The following EXOC6B variants were observed in gnomAD, a reference collection of about 807,000 sequenced individuals.
EXOC6B encodes SEC15 homolog B.
EXOC6B carries 54 observed loss-of-function variants against 113.5 expected under a neutral mutation model. The observed-to-expected ratio is 0.48, with a 90% CI of 0.38 to 0.60. The LOEUF (loss-of-function observed/expected upper bound fraction) is 0.60. Ranked by LOEUF, EXOC6B falls within the 20% of genes least tolerant of loss-of-function variation. EXOC6B has a pLI of 0.00. For synonymous variants in EXOC6B, 357 were observed against 339.0 expected, an observed-to-expected ratio of 1.05 and a Z score of -0.58; for missense variants, 797 against 977.5, an observed-to-expected ratio of 0.82 and a Z score of 2.46.
At chr2:72,538,003 G>A (rs1178777633) in intron 8 of EXOC6B, among the ~76,000 whole-genome samples, 1 of 148,420 alleles carries the variant, frequency 6.7e-6, no homozygotes, top group Admixed American at 6.8e-5. Context: ...ACAGGAGCTA[G>A]AGTACAGTGG....
intron 9 of EXOC6B, 22 bp downstream of exon 9, chr2:72,515,021 A>G: frequency 1.3e-6 from 2 of 1,582,010 alleles, no homozygotes; most frequent in South Asian, 2.3e-5. Flanking sequence ...AAATGTGAGA[A>G]AAGTGAAGAT....
rs537944068 is a variant in EXOC6B, at chr2:72,808,606, C to CTAAT, written c.113+17188_113+17191dup. On this transcript the variant is annotated intron_variant, in intron 1 of 21. Coordinates refer to ENST00000272427, the MANE Select transcript of EXOC6B (RefSeq NM_015189.3). ...AGGCCCAGTCTCTACAACAAATAAA[C>CTAAT]TAATTAATTAATTAATTAATTTTTT... Among the ~76,000 whole-genome samples, 76 of 152,126 alleles carry CTAAT rather than the reference C, an allele frequency of 5.0e-4. 2 individuals are homozygous for CTAAT. The East Asian group carries it at 0.014, about 27-fold the overall frequency.
intron 19 of EXOC6B, among the ~76,000 whole-genome samples, chr2:72,338,342 G>A (rs775094588): frequency 2.4e-4 from 37 of 152,030 alleles, no homozygotes; most frequent in Admixed American, 3.9e-4. Flanking sequence ...GGTTCATAGC[G>A]TACACTGAAT....
At chr2:72,724,818 T>C (rs1309182563) in intron 5 of EXOC6B, among the ~76,000 whole-genome samples, 1 of 151,958 alleles carries the variant, frequency 6.6e-6, no homozygotes, top group Non-Finnish European at 1.5e-5. Context: ...CATTACACAA[T>C]GCAAATGAGA....
intron 6 of EXOC6B, among the ~76,000 whole-genome samples, chr2:72,625,494 T>C (rs189294220): frequency 6.6e-6 from 1 of 152,172 alleles, no homozygotes. Context: ...ATTGGCCCCC[T>C]TTCCTGTCCA....
chr2:72,730,609 C>CACACACACAA (rs1308387329), intron 5 of EXOC6B, among the ~76,000 whole-genome samples: 1 of 151,704 alleles, frequency 6.6e-6, no homozygotes, highest in Non-Finnish European at 1.5e-5. Context: ...CACACACACA[C>CACACACACAA]ACACACACAC....
At chr2:72,300,988 C>T (rs1318624063) in intron 20 of EXOC6B, among the ~76,000 whole-genome samples, 2 of 152,166 alleles carry the variant, frequency 1.3e-5, no homozygotes, top group Non-Finnish European at 2.9e-5. Flanking sequence ...ATCTTGCCAC[C>T]TCAGCTCTTA....
chr2:72,564,386 T>C (rs925686345), intron 7 of EXOC6B, among the ~76,000 whole-genome samples: 9 of 152,202 alleles, frequency 5.9e-5, no homozygotes, highest in African/African-American at 2.2e-4. Context: ...AATTTAGATA[T>C]CTTTCTCACT....
At position 72,446,321 on chromosome 2, in the gene EXOC6B, G is replaced by A. The variant is rs1185332099; in HGVS notation, c.1980+18839C>T. Among the ~76,000 whole-genome samples, 4 of 151,660 alleles carry A rather than the reference G, an allele frequency of 2.6e-5. No homozygotes were observed. In the East Asian group the frequency reaches 5.8e-4, roughly 22 times the overall value. ...TTGAACCCAGGAGGTGGAGGCCGCG[G>A]TGAGCCAAGATCATGCCACTGCACT... On this transcript the variant is annotated intron_variant, in intron 18 of 21. Transcript: ENST00000272427.
intron 1 of EXOC6B, among the ~76,000 whole-genome samples, chr2:72,809,749 C>T (rs185474060): frequency 5.9e-5 from 9 of 152,024 alleles, no homozygotes; most frequent in South Asian, 2.1e-4. Flanking sequence ...TGAAGCAAAA[C>T]GGATAAATCT....
rs182535161 is a variant in EXOC6B at position 72,715,841 on chromosome 2, G to C, written c.669+2262C>G. ...AACCATGGCTGAATCTTATGGAGAG[G>C]GTTGAGCATCCCTGGAAGATACTAG... On this transcript the variant is annotated intron_variant, in intron 6 of 21. Transcript: ENST00000272427. 7.0e-3 allele frequency among the ~76,000 whole-genome samples: 1,068 copies of C among 152,214 alleles called. 9 individuals carry two copies. Among genetic ancestry groups the C allele is most frequent in the Non-Finnish European group, 8.4e-3 (572 of 68,002 alleles).
At chr2:72,390,200 A>G (rs1302487885) in intron 18 of EXOC6B, among the ~76,000 whole-genome samples, 1 of 152,164 alleles carries the variant, frequency 6.6e-6, no homozygotes. Context: ...GCTAATTTCT[A>G]CTAATACAAT....
At chr2:72,736,983 C>T (rs932903470) in intron 2 of EXOC6B, among the ~76,000 whole-genome samples, 1 of 152,110 alleles carries the variant, frequency 6.6e-6, no homozygotes, top group Non-Finnish European at 1.5e-5. Flanking sequence ...GGCTGATCAG[C>T]GCACAAAATT....
chr2:72,607,305 C>T (rs997184045), intron 6 of EXOC6B, among the ~76,000 whole-genome samples: 2 of 152,098 alleles, frequency 1.3e-5, no homozygotes, highest in Non-Finnish European at 2.9e-5. Context: ...CTCTCTATCT[C>T]GTGCACTCTC....
chr2:72,247,799 T>C (rs934454412), intron 20 of EXOC6B, among the ~76,000 whole-genome samples: 5 of 152,200 alleles, frequency 3.3e-5, no homozygotes, highest in African/African-American at 1.2e-4. Context: ...TTTTTCAAAG[T>C]GAATACTTTT....
intron 1 of EXOC6B, among the ~76,000 whole-genome samples, chr2:72,749,822 C>CA: frequency 6.6e-6 from 1 of 151,806 alleles, no homozygotes; most frequent in Non-Finnish European, 1.5e-5. Context: ...ATGGTAGAAA[C>CA]ACAGCAGTGA....
chr2:72,342,561 A>G (rs1689093964), intron 19 of EXOC6B, among the ~76,000 whole-genome samples: 1 of 152,178 alleles, frequency 6.6e-6, no homozygotes, highest in Non-Finnish European at 1.5e-5. Context: ...GGGTGTGGAA[A>G]AAAAGAAACC....
At chr2:72,758,873 G>A (rs986142476) in intron 1 of EXOC6B, among the ~76,000 whole-genome samples, 1 of 152,224 alleles carries the variant, frequency 6.6e-6, no homozygotes, top group African/African-American at 2.4e-5. Flanking sequence ...CAAAGGACCA[G>A]TGAGAACAAG....
chr2:72,592,373 A>T lies in EXOC6B; in HGVS notation c.670-16705T>A, dbSNP rs142963452. Among the ~76,000 whole-genome samples, 628 of 152,274 alleles carry T rather than the reference A, an allele frequency of 4.1e-3. 8 individuals are homozygous for T. In the East Asian group the frequency reaches 0.045, roughly 11 times the overall value. ...GTTCCAACAGGTAGGAATGGCCTTG[A>T]TATATCCCTCACTTTGGGTTGGAGC... On this transcript the variant is annotated intron_variant, in intron 6 of 21. Coordinates refer to ENST00000272427, the MANE Select transcript of EXOC6B (RefSeq NM_015189.3).
Sources: gnomAD v4.1 joint callset for allele counts (sites outside exome capture counted in the v4.1 genomes callset) on GRCh38, gnomAD v4.1.1 for gene constraint, MANE v1.5 for transcripts, NCBI Gene and HGNC (gene_info 2026-07-23, HGNC 2026-07-21) for gene names.